The following PVT1 variants were observed in gnomAD, a reference collection of about 807,000 sequenced individuals.
PVT1 encodes the protein Pvt1 oncogene.
chr8:127,919,667 G>T (rs1166125147), intron 3 of PVT1, among the ~76,000 whole-genome samples: 2 of 152,180 alleles, frequency 1.3e-5, no homozygotes, highest in African/African-American at 4.8e-5. Flanking sequence ...CTGCCTGGAA[G>T]AGCTGCCTGG....
At chr8:128,025,256 G>C (rs1230367522) in intron 4 of PVT1, among the ~76,000 whole-genome samples, 3 of 152,210 alleles carry the variant, frequency 2.0e-5, no homozygotes, top group Admixed American at 1.3e-4. Context: ...TGCACCCTGG[G>C]TGTTCGGGGC....
At chr8:127,860,156 G>A (rs1374531871) in intron 2 of PVT1, among the ~76,000 whole-genome samples, 3 of 152,148 alleles carry the variant, frequency 2.0e-5, no homozygotes, top group East Asian at 1.9e-4. Flanking sequence ...GAAGAGAACC[G>A]GCTCCCAGTG....
In PVT1 at chr8:127,830,325, C is replaced by A. The variant is rs1458358245; in HGVS notation, n.372+34254C>A. Among the ~76,000 whole-genome samples, 5 of 151,888 alleles carry A rather than the reference C, an allele frequency of 3.3e-5. No homozygotes were observed. The East Asian group carries it at 9.7e-4, about 29-fold the overall frequency. On this transcript the variant is annotated intron_variant and non_coding_transcript_variant, in intron 2 of 10. Coordinates refer to ENST00000651587, the Ensembl canonical transcript of PVT1. Reference sequence around the variant, plus strand: ...TTTGAGGAACACGAGGGCCAGATAGCAGAAGTGGAGGGAGAGGTGTGGTTG... The same window carrying A: ...TTTGAGGAACACGAGGGCCAGATAGAAGAAGTGGAGGGAGAGGTGTGGTTG...
intron 3 of PVT1, among the ~76,000 whole-genome samples, chr8:127,955,327 G>A (rs1489844566): frequency 6.6e-6 from 1 of 152,140 alleles, no homozygotes; most frequent in Non-Finnish European, 1.5e-5. Context: ...CCAGAATTAT[G>A]AGAAAATAAA....
chr8:127,860,422 A>G (rs574224492), intron 2 of PVT1, among the ~76,000 whole-genome samples: 75 of 152,220 alleles, frequency 4.9e-4, no homozygotes, highest in Non-Finnish European at 9.4e-4. Flanking sequence ...AGGGAGTACT[A>G]TGGGGGAGAT....
intron 3 of PVT1, among the ~76,000 whole-genome samples, chr8:127,984,355 C>G (rs538073352): frequency 6.6e-6 from 1 of 152,238 alleles, no homozygotes; most frequent in South Asian, 2.1e-4. Context: ...GAAAACGGAG[C>G]CATCGGGAAG....
chr8:127,828,299 C>T (rs1000790129), intron 2 of PVT1, among the ~76,000 whole-genome samples: 2 of 152,102 alleles, frequency 1.3e-5, no homozygotes, highest in Non-Finnish European at 2.9e-5. Flanking sequence ...GTGGATGTGA[C>T]GTTTCCGAAG....
chr8:128,067,858 A>G (rs1813928771), intron 4 of PVT1, among the ~76,000 whole-genome samples: 1 of 151,698 alleles, frequency 6.6e-6, no homozygotes, highest in Admixed American at 6.6e-5. Flanking sequence ...GATGGAAGAG[A>G]CTGATCATGC....
At chr8:127,836,774 G>T (rs1327320405) in intron 2 of PVT1, among the ~76,000 whole-genome samples, 1 of 152,108 alleles carries the variant, frequency 6.6e-6, no homozygotes. Context: ...AAGAAACTTG[G>T]CCCACAGTCA....
chr8:128,051,619 G>T (rs1025405107), intron 4 of PVT1, among the ~76,000 whole-genome samples: 1 of 151,708 alleles, frequency 6.6e-6, no homozygotes, highest in South Asian at 2.1e-4. Flanking sequence ...AGTCCCATAG[G>T]TTTTCTTTTT....
At chr8:127,799,112 T>C (rs1215197273) in intron 2 of PVT1, among the ~76,000 whole-genome samples, 2 of 149,760 alleles carry the variant, frequency 1.3e-5, no homozygotes, top group Admixed American at 6.6e-5. Context: ...TTTTCCTTTT[T>C]GTGTGTGTGT....
intron 3 of PVT1, among the ~76,000 whole-genome samples, chr8:127,941,480 A>G (rs1816348725): frequency 6.6e-6 from 1 of 152,178 alleles, no homozygotes; most frequent in Non-Finnish European, 1.5e-5. Context: ...GGAGACACGT[A>G]AAGCGCTTAA....
At chr8:127,910,810 C>A (rs1379220984) in intron 3 of PVT1, among the ~76,000 whole-genome samples, 1 of 152,034 alleles carries the variant, frequency 6.6e-6, no homozygotes, top group Non-Finnish European at 1.5e-5. Flanking sequence ...CTGAAAGTGG[C>A]TTGCTGGTGT....
intron 3 of PVT1, among the ~76,000 whole-genome samples, chr8:127,960,026 C>A (rs914291069): frequency 6.6e-6 from 1 of 152,128 alleles, no homozygotes; most frequent in Non-Finnish European, 1.5e-5. Context: ...GTCTCCTGTA[C>A]GTCGTAGTTT....
At chr8:128,008,518 T>G (rs1255151878) in intron 4 of PVT1, among the ~76,000 whole-genome samples, 1 of 152,216 alleles carries the variant, frequency 6.6e-6, no homozygotes, top group Admixed American at 6.5e-5. Flanking sequence ...TGTTCCCTAC[T>G]TCTTTTGCAG....
At chr8:128,017,126 CT>C (rs1293088698) in intron 4 of PVT1, among the ~76,000 whole-genome samples, 1 of 152,198 alleles carries the variant, frequency 6.6e-6, no homozygotes, top group African/African-American at 2.4e-5. Context: ...AATGCATAGA[CT>C]CAGAGAGGTT....
intron 2 of PVT1, among the ~76,000 whole-genome samples, chr8:127,868,802 TGTAC>T (rs1815319531): frequency 6.9e-4 from 85 of 123,242 alleles, no homozygotes; most frequent in South Asian, 1.0e-3. Context: ...TACATATATA[TGTAC>T]ATATATATAT....
At chr8:127,843,754 GT>G (rs74206865) in intron 2 of PVT1, among the ~76,000 whole-genome samples, 97,038 of 151,402 alleles carry the variant, frequency 0.64, 32,302 homozygotes, top group African/African-American at 0.82. Flanking sequence ...CTGTTTGGCT[GT>G]TTTTTTAATA....
intron 2 of PVT1, among the ~76,000 whole-genome samples, chr8:127,800,811 G>C (rs1053846748): frequency 1.3e-5 from 2 of 152,208 alleles, no homozygotes; most frequent in Non-Finnish European, 2.9e-5. Context: ...TTACAGCTGG[G>C]TTAGACAGAT....
Sources: gnomAD v4.1 joint callset for allele counts (sites outside exome capture counted in the v4.1 genomes callset) on GRCh38, gnomAD v4.1.1 for gene constraint, MANE v1.5 for transcripts, NCBI Gene and HGNC (gene_info 2026-07-23, HGNC 2026-07-21) for gene names.